GRM7: variants seen among roughly 807,000 people sequenced by gnomAD.
The protein encoded by GRM7 is glutamate metabotropic receptor 7.
In GRM7, 35 loss-of-function variants were observed where a neutral mutation model predicts 84.5. The ratio of observed to expected loss-of-function variants is 0.41; its 90% CI spans 0.32 to 0.55. GRM7 has a LOEUF of 0.55. GRM7 is among the 20% of genes least tolerant of loss of function. The pLI is 0.19. For synonymous variants in GRM7, 487 were observed against 455.1 expected (o/e 1.07, Z -0.89); for missense variants, 1,003 against 1,194.6 (o/e 0.84, Z 2.36).
chr3:7,634,501 A>AAAAAAAAAC, intron 8 of GRM7, among the ~76,000 whole-genome samples: 1 of 89,376 alleles, frequency 1.1e-5, no homozygotes, highest in Non-Finnish European at 2.7e-5. Context: ...AAAAAAAAAA[A>AAAAAAAAAC]AGGGCTGGGC....
intron 2 of GRM7, among the ~76,000 whole-genome samples, chr3:7,228,724 T>G (rs1697064893): frequency 6.6e-6 from 1 of 152,188 alleles, no homozygotes; most frequent in African/African-American, 2.4e-5. Flanking sequence ...AATCAAGTGT[T>G]GTGGGTTTTA....
chr3:7,095,148 A>G (rs1055661287), intron 1 of GRM7, among the ~76,000 whole-genome samples: 1 of 152,164 alleles, frequency 6.6e-6, no homozygotes, highest in Admixed American at 6.5e-5. Flanking sequence ...GACTTGGTGA[A>G]AGTAAAAGGA....
intron 8 of GRM7, among the ~76,000 whole-genome samples, chr3:7,589,388 G>A (rs972327072): frequency 1.3e-5 from 2 of 152,144 alleles, no homozygotes; most frequent in African/African-American, 2.4e-5. Flanking sequence ...GGACTGCATA[G>A]GGATAAGTGT....
intron 1 of GRM7, among the ~76,000 whole-genome samples, chr3:6,888,167 C>T (rs1214448429): frequency 6.6e-6 from 1 of 151,796 alleles, no homozygotes; most frequent in Non-Finnish European, 1.5e-5. Context: ...AAAATTTTCT[C>T]CCATTTTGTA....
At chr3:6,949,008 C>T (rs1242307579) in intron 1 of GRM7, among the ~76,000 whole-genome samples, 1 of 152,130 alleles carries the variant, frequency 6.6e-6, no homozygotes, top group Non-Finnish European at 1.5e-5. Flanking sequence ...ACTCTTTATC[C>T]AATTTGCCAG....
intron 2 of GRM7, among the ~76,000 whole-genome samples, chr3:7,254,898 T>A (rs1264316936): frequency 6.6e-6 from 1 of 152,244 alleles, no homozygotes; most frequent in African/African-American, 2.4e-5. Flanking sequence ...TTTCAACTGC[T>A]GTTGGTACTA....
At chr3:7,430,512 C>T (rs974574735) in intron 5 of GRM7, among the ~76,000 whole-genome samples, 2 of 152,190 alleles carry the variant, frequency 1.3e-5, no homozygotes, top group East Asian at 1.9e-4. Context: ...CTTTATGCGT[C>T]GCTGTTAGAA....
chr3:7,396,419 G>T (rs1179720455), intron 4 of GRM7, among the ~76,000 whole-genome samples: 1 of 151,890 alleles, frequency 6.6e-6, no homozygotes, highest in Admixed American at 6.6e-5. Flanking sequence ...AATTAAAAAA[G>T]ACATCTGTTA....
At chr3:7,175,785 G>A (rs1238815996) in intron 2 of GRM7, among the ~76,000 whole-genome samples, 4 of 152,032 alleles carry the variant, frequency 2.6e-5, no homozygotes, top group East Asian at 1.9e-4. Context: ...TGATCTGCCC[G>A]CCTTGGCCTC....
intron 2 of GRM7, among the ~76,000 whole-genome samples, chr3:7,160,903 G>T (rs1172626022): frequency 2.6e-5 from 4 of 152,090 alleles, no homozygotes; most frequent in Non-Finnish European, 5.9e-5. Flanking sequence ...GTTTGTCTTG[G>T]ACTTCGCTGC....
chr3:7,542,553 T>G (rs1692934950), intron 7 of GRM7, among the ~76,000 whole-genome samples: 2 of 60,962 alleles, frequency 3.3e-5, no homozygotes, highest in African/African-American at 5.6e-5. Context: ...GCATAGCAAT[T>G]TTTTTTTTTT....
At chr3:7,667,744 A>G (rs1699759272) in intron 8 of GRM7, among the ~76,000 whole-genome samples, 1 of 152,066 alleles carries the variant, frequency 6.6e-6, no homozygotes, top group African/African-American at 2.4e-5. Context: ...TATCTAAAGA[A>G]GGGTAGGTTT....
chr3:7,486,349 T>G lies in GRM7; in HGVS notation c.1515+24627T>G, dbSNP rs1441331347. Among the ~76,000 whole-genome samples, 1 of 152,088 alleles carries G rather than the reference T, an allele frequency of 6.6e-6. No homozygotes were observed. ...TATTTGTTTCTATCTCTGCTATGATTTGAATATGACTTGTCCTCAGCAAAA... is the reference window on the plus strand; with the variant it reads ...TATTTGTTTCTATCTCTGCTATGATGTGAATATGACTTGTCCTCAGCAAAA... On this transcript the variant is annotated intron_variant, in intron 7 of 9. Coordinates refer to ENST00000357716, the MANE Select transcript of GRM7 (RefSeq NM_000844.4). This position sits in a 1 kb window ranked among gnomAD's most constrained non-coding sequence, Gnocchi z 5.5.
chr3:6,861,811 G>A lies in GRM7; in HGVS notation c.423G>A (p.Pro141=). The A allele has an allele frequency of 6.2e-7, 1 of 1,614,160 alleles. No homozygotes were observed. The highest frequency in any genetic ancestry group is 8.5e-7 in the Non-Finnish European group (1 of 1,180,028). Residue 141 remains proline, a synonymous_variant, in exon 1 of 10, where the codon CCG becomes CCA. Transcript: ENST00000357716. The surrounding 1 kb of genome is among the most constrained non-coding windows in gnomAD (Gnocchi z 6.4). ...ACGTGCGCTGCACCAACGGCGAACC[G>A]CCGGTTTTCGTCAAGCCGGAGAAAG... ...TSDVRCTNGE[P]PVFVKPEKVV... is the part of the protein sequence containing the mutation.
chr3:7,439,017 A>G (rs1697177034), intron 5 of GRM7, among the ~76,000 whole-genome samples: 3 of 152,206 alleles, frequency 2.0e-5, no homozygotes, highest in Admixed American at 6.5e-5. Flanking sequence ...GATACAAAGC[A>G]TAAGTTCATC....
rs12634770 is a variant in GRM7 at position 7,043,140 on chromosome 3, T to C, written c.520-103312T>C. ...AGTTCCAGCTTTGTGAGACCTGCTG[T>C]TGTTCTCTCAAATACTTTCAAGTGA... is the stretch of plus-strand genomic sequence containing the variant. On this transcript the variant is annotated intron_variant, in intron 1 of 9. Coordinates refer to ENST00000357716, the MANE Select transcript of GRM7 (RefSeq NM_000844.4). 7.9e-3 allele frequency among the ~76,000 whole-genome samples: 1,202 copies of C among 152,336 alleles called. 77 individuals carry two copies. The East Asian group carries it at 0.16, about 21-fold the overall frequency.
chr3:6,886,784 A>G (rs1695712445), intron 1 of GRM7, among the ~76,000 whole-genome samples: 1 of 151,544 alleles, frequency 6.6e-6, no homozygotes, highest in South Asian at 2.1e-4. Context: ...CAATAATAAT[A>G]ATAATAATAA....
intron 2 of GRM7, among the ~76,000 whole-genome samples, chr3:7,182,016 T>A (rs112508731): frequency 2.5e-4 from 38 of 152,234 alleles, no homozygotes; most frequent in African/African-American, 8.7e-4. Context: ...ACAATATCAG[T>A]CTGTTACTTT....
At chr3:7,063,719 G>A (rs778751489) in intron 1 of GRM7, among the ~76,000 whole-genome samples, 7 of 49,572 alleles carry the variant, frequency 1.4e-4, no homozygotes, top group Admixed American at 4.1e-4. Flanking sequence ...CTCCCAGTTG[G>A]GAGAGACCCA....
Sources: allele counts gnomAD v4.1 joint callset (sites outside exome capture counted in the v4.1 genomes callset), GRCh38; gene constraint gnomAD v4.1.1; non-coding constraint Gnocchi (gnomAD v3.1); transcripts MANE v1.5; gene names NCBI Gene and HGNC (gene_info 2026-07-23, HGNC 2026-07-21).